Variants in POU2F1 observed in about 807,000 individuals in gnomAD.
POU2F1 encodes the protein POU class 2 homeobox 1.
Under a neutral mutation model 84.9 loss-of-function variants are expected in POU2F1, and 16 were observed. The observed-to-expected ratio is 0.19, with a 90% CI of 0.13 to 0.29. POU2F1 has a LOEUF of 0.29. Ranked by LOEUF, POU2F1 falls within the 10% of genes least tolerant of loss-of-function variation. The pLI is 1.00. For missense variants in POU2F1, 738 were observed against 942.6 expected, an observed-to-expected ratio of 0.78 and a Z score of 2.84; for synonymous variants, 368 against 368.3, an observed-to-expected ratio of 1.00 and a Z score of 0.01.
intron 1 of POU2F1, among the ~76,000 whole-genome samples, chr1:167,309,465 C>G (rs1212497886): frequency 6.6e-6 from 1 of 152,142 alleles, no homozygotes; most frequent in Non-Finnish European, 1.5e-5. Flanking sequence ...TACAGTTTCT[C>G]TCTCCATATA....
rs34077204 is a variant in POU2F1 at position 167,319,020 on chromosome 1, T to A, written c.62-13450T>A. 1,482 of 153,952 alleles carry A rather than the reference T, an allele frequency of 9.6e-3. 10 individuals are homozygous for A. The highest frequency in any genetic ancestry group is 0.013 in the Non-Finnish European group (908 of 68,722). The allele number at this position is 153,952 out of a possible 1,614,324, so 9.5% of individuals were successfully genotyped here. On this transcript the variant is annotated intron_variant, in intron 1 of 15. Coordinates refer to ENST00000367866, the MANE Select transcript of POU2F1 (RefSeq NM_002697.4). ...GTTGTCCTGCTTTCCTCAGGTTTTC[T>A]TCCATCATCTGTGACAGCTTCTTGA...
intron 1 of POU2F1, among the ~76,000 whole-genome samples, chr1:167,324,728 T>G (rs192655368): frequency 6.6e-6 from 1 of 152,358 alleles, no homozygotes; most frequent in Admixed American, 6.5e-5. Flanking sequence ...GGCCTCAGTT[T>G]ACTTTTTATG....
chr1:167,412,299 G>T lies in POU2F1; in HGVS notation c.1896G>T (p.Ala632=), dbSNP rs768110135. ...NPSLMAPSQF[A]AGGALLSLNP... is the part of the protein sequence containing the mutation. ...GCCTGATGGCACCCTCACAGTTTGC[G>T]GCTGGGTAAGGCGCTTTCTCATCTC... The change falls in exon 14 of 16, where the codon GCG becomes GCT. Residue 632 remains alanine (A), a synonymous_variant. Coordinates refer to ENST00000367866, the MANE Select transcript of POU2F1 (RefSeq NM_002697.4). 6.5e-7 allele frequency: 1 copy of T among 1,536,912 alleles called. No individual in the cohort carries two copies. Among genetic ancestry groups the T allele is most frequent in the African/African-American group, 1.4e-5 (1 of 72,818 alleles).
intron 1 of POU2F1, among the ~76,000 whole-genome samples, chr1:167,300,921 CCACCACGCGCAG>C (rs1654650406): frequency 6.6e-6 from 1 of 152,094 alleles, no homozygotes; most frequent in South Asian, 2.1e-4. Flanking sequence ...CAGGCGCATG[CCACCACGCGCAG>C]CTAATTTTTG....
chr1:167,273,415 G>T (rs1003507350), intron 1 of POU2F1, among the ~76,000 whole-genome samples: 1 of 152,196 alleles, frequency 6.6e-6, no homozygotes, highest in African/African-American at 2.4e-5. Context: ...CACTGCCCTC[G>T]TAGAGGTTTT....
intron 14 of POU2F1, among the ~76,000 whole-genome samples, 187 bp from the exon 15 acceptor site, chr1:167,412,839 G>A (rs1052315781): frequency 5.9e-5 from 9 of 152,144 alleles, no homozygotes; most frequent in African/African-American, 1.9e-4. Context: ...TCATAACCTC[G>A]TTTGTATGAG....
In POU2F1 at chr1:167,300,930, G is replaced by A. The variant is rs867613831; in HGVS notation, c.62-31540G>A. ...GGATTACAGGCGCATGCCACCACGCGCAGCTAATTTTTGTATTTTAGTAGA... is the reference window on the plus strand; with the variant it reads ...GGATTACAGGCGCATGCCACCACGCACAGCTAATTTTTGTATTTTAGTAGA... On this transcript the variant is annotated intron_variant, in intron 1 of 15. Transcript: ENST00000367866. Among the ~76,000 whole-genome samples, 44 of 151,820 alleles carry A rather than the reference G, an allele frequency of 2.9e-4. 1 individual carries two copies. Among genetic ancestry groups the A allele is most frequent in the Middle Eastern group, 6.8e-3 (2 of 294 alleles).
intron 1 of POU2F1, among the ~76,000 whole-genome samples, chr1:167,291,725 ATTTCCT>A (rs1653935806): frequency 6.6e-6 from 1 of 152,176 alleles, no homozygotes; most frequent in African/African-American, 2.4e-5. Context: ...TAAGTATAAC[ATTTCCT>A]TTTACAGTAT....
At chr1:167,299,953 C>T (rs1557877691) in intron 1 of POU2F1, among the ~76,000 whole-genome samples, 3 of 152,108 alleles carry the variant, frequency 2.0e-5, no homozygotes, top group African/African-American at 4.8e-5. Context: ...GATACTGATC[C>T]GGGTACTGCC....
chr1:167,249,871 A>C (rs2102400777), intron 1 of POU2F1, among the ~76,000 whole-genome samples: 1 of 152,308 alleles, frequency 6.6e-6, no homozygotes, highest in South Asian at 2.1e-4. Context: ...TGTGCAGTGG[A>C]GCACTGTGAT....
chr1:167,317,942 T>A (rs1255790548), intron 1 of POU2F1, among the ~76,000 whole-genome samples: 1 of 152,226 alleles, frequency 6.6e-6, no homozygotes, highest in South Asian at 2.1e-4. Flanking sequence ...ATCTGCAGAC[T>A]ATACACAGAC....
Position 167,425,578 on chromosome 1 carries a change from A to G in POU2F1, c.*9768A>G, listed in dbSNP as rs1650905509. ...AAAAACCCCATCACCACCATCATCC[A>G]CCCTACACCAACCAGGGTCACTATG... On this transcript the variant is annotated 3_prime_UTR_variant, in exon 16 of 16. Coordinates refer to ENST00000367866, the MANE Select transcript of POU2F1 (RefSeq NM_002697.4). 6.6e-6 allele frequency: 1 copy of G among 151,950 alleles called. No homozygotes were observed. 9.4% of individuals were successfully genotyped at this position (151,950 alleles called of 1,614,324 possible). A position where few individuals can be genotyped will look rare whatever the true frequency, so the allele number is the denominator to read the frequency against.
chr1:167,273,627 G>T (rs1571208703), intron 1 of POU2F1, among the ~76,000 whole-genome samples: 1 of 152,224 alleles, frequency 6.6e-6, no homozygotes, highest in East Asian at 1.9e-4. Context: ...TAGCCACAAA[G>T]AATTTTCTTT....
At chr1:167,278,068 G>T (rs776614652) in intron 1 of POU2F1, among the ~76,000 whole-genome samples, 8 of 151,928 alleles carry the variant, frequency 5.3e-5, no homozygotes, top group Non-Finnish European at 7.4e-5. Flanking sequence ...ATTATTTCCT[G>T]CTACTCTTAG....
chr1:167,247,590 C>G (rs1197712766), intron 1 of POU2F1, among the ~76,000 whole-genome samples: 2 of 152,062 alleles, frequency 1.3e-5, no homozygotes, highest in Non-Finnish European at 2.9e-5. Flanking sequence ...TCAATTGGAA[C>G]ATTGACCTGT....
chr1:167,240,406 T>C (rs542325930), intron 1 of POU2F1, among the ~76,000 whole-genome samples: 1 of 152,316 alleles, frequency 6.6e-6, no homozygotes, highest in South Asian at 2.1e-4. Flanking sequence ...AAGAGTTGAA[T>C]ACTGGCCATT....
intron 2 of POU2F1, among the ~76,000 whole-genome samples, chr1:167,351,539 A>T (rs1177445941): frequency 1.4e-5 from 2 of 146,418 alleles, no homozygotes; most frequent in Admixed American, 6.7e-5. Flanking sequence ...AAAAAAAAAA[A>T]AAAAGAAAGA....
chr1:167,408,861 G>T (rs78054436), intron 13 of POU2F1, among the ~76,000 whole-genome samples: 1 of 152,146 alleles, frequency 6.6e-6, no homozygotes, highest in East Asian at 1.9e-4. Context: ...TTGTTAAAAT[G>T]TCTACTAACA....
chr1:167,358,309 T>C (rs1323779138), intron 2 of POU2F1, among the ~76,000 whole-genome samples: 2 of 151,890 alleles, frequency 1.3e-5, no homozygotes, highest in African/African-American at 4.8e-5. Flanking sequence ...GCTATTATTA[T>C]TTAGTATTTT....
Sources: allele counts gnomAD v4.1 joint callset (sites outside exome capture counted in the v4.1 genomes callset), GRCh38; gene constraint gnomAD v4.1.1; transcripts MANE v1.5; gene names NCBI Gene and HGNC (gene_info 2026-07-23, HGNC 2026-07-21).